The following GTF3C1 variants were observed in gnomAD, a reference collection of about 807,000 sequenced individuals.
GTF3C1 encodes the protein general transcription factor IIIC subunit 1.
A neutral mutation model predicts 226.7 loss-of-function variants in GTF3C1; 57 were observed. The observed-to-expected ratio is 0.25, with a 90% CI of 0.20 to 0.31. GTF3C1 has a LOEUF of 0.31. GTF3C1 is among the 10% of genes least tolerant of loss of function. The pLI is 1.00. For synonymous variants in GTF3C1, 1,090 were observed against 1,084.8 expected, an observed-to-expected ratio of 1.00 and a Z score of -0.09; for missense variants, 2,217 against 2,776.1, an observed-to-expected ratio of 0.80 and a Z score of 4.53.
At chr16:27,487,049 T>C (rs2088150701) in intron 23 of GTF3C1, among the ~76,000 whole-genome samples, 1 of 152,188 alleles carries the variant, frequency 6.6e-6, no homozygotes, top group African/African-American at 2.4e-5. Flanking sequence ...ACAGACACCA[T>C]ATGCCACTGC....
At chr16:27,483,573 T>C (rs1277239331) in intron 25 of GTF3C1, 2 of 431,134 alleles carry the variant, frequency 4.6e-6, no homozygotes, top group Admixed American at 5.2e-5. Context: ...GAGCCTGACT[T>C]GCCCAAAAGA....
At position 27,470,435 on chromosome 16, in the gene GTF3C1, G is replaced by A. The variant is rs200419115; in HGVS notation, c.4527-40C>T. 8.4e-6 allele frequency: 13 copies of A among 1,540,240 alleles called. No homozygotes were observed. Among genetic ancestry groups the A allele is most frequent in the East Asian group, 2.2e-5 (1 of 44,498 alleles). On this transcript the variant is annotated intron_variant, in intron 30 of 36. Transcript: ENST00000356183. This position sits in a 1 kb window ranked among gnomAD's most constrained non-coding sequence, Gnocchi z 4.9. ...AAAGGAAGGGCCTGACTGAGGGCCA[G>A]CTGTGGGAAGCCTTCATTTGGATGG...
At chr16:27,495,108 G>A in intron 15 of GTF3C1, 103 bp downstream of exon 15, 5 of 936,924 alleles carry the variant, frequency 5.3e-6, no homozygotes, top group Non-Finnish European at 8.2e-6. Context: ...TGGATCAGAG[G>A]CTGCAGCCAG....
At chr16:27,520,697 G>A (rs2088732540) in intron 6 of GTF3C1, among the ~76,000 whole-genome samples, 3 of 152,174 alleles carry the variant, frequency 2.0e-5, no homozygotes, top group African/African-American at 7.2e-5. Flanking sequence ...GGCTGAGTTA[G>A]TAGCTGACTT....
In GTF3C1 at chr16:27,475,491, G is replaced by A. The variant is rs143760430; in HGVS notation, c.4353+960C>T. The stretch of plus-strand genomic sequence containing the variant: ...CCTTAGAATTCACTTTTGATGACTT[G>A]GGGGAGAACGAGGCCCTGGGCAGCA... On this transcript the variant is annotated intron_variant, in intron 29 of 36. Coordinates refer to ENST00000356183, the MANE Select transcript of GTF3C1 (RefSeq NM_001520.4). 3.0e-4 allele frequency among the ~76,000 whole-genome samples: 45 copies of A among 152,224 alleles called. No homozygotes were observed. The East Asian group carries it at 8.7e-3, about 29-fold the overall frequency.
rs767344623 is a variant in GTF3C1, at chr16:27,469,739, C to T, written c.4815-189G>A. On this transcript the variant is annotated intron_variant, in intron 31 of 36. Coordinates refer to ENST00000356183, the MANE Select transcript of GTF3C1 (RefSeq NM_001520.4). This position sits in a 1 kb window ranked among gnomAD's most constrained non-coding sequence, Gnocchi z 4.5. ...TCCCCTTTCCCACCTTCCCGTGCAC[C>T]GCGCTCACCCCTTGTCACATAGCTG... 1.3e-5 allele frequency among the ~76,000 whole-genome samples: 2 copies of T among 151,998 alleles called. No homozygotes were observed. The highest frequency in any genetic ancestry group is 2.9e-5 in the Non-Finnish European group (2 of 68,000).
chr16:27,469,294 C>A lies in GTF3C1; in HGVS notation c.5071G>T (p.Ala1691Ser). ...CTPVPARLRP[A>S]AAPLEELTMG... is the part of the protein sequence containing the mutation. ...CAGCACCAGCAGGAGCACTCACCAG[C>A]GGGCCTGAGCCGGGCGGGCACAGGG... Residue 1691 changes from alanine (A) to serine (S), a missense_variant, in exon 32 of 37, where the codon GCT becomes TCT. Ala to Ser is a moderately conservative substitution (Grantham distance 99). This residue lies in a region of GTF3C1 where 455 missense variants were observed against 441.9 expected (regional missense o/e 1.03). Transcript: ENST00000356183. The surrounding 1 kb of genome is among the most constrained non-coding windows in gnomAD (Gnocchi z 4.5). The A allele has an allele frequency of 6.4e-7, 1 of 1,557,646 alleles. No individual in the cohort carries two copies. The highest frequency in any genetic ancestry group is 8.7e-7 in the Non-Finnish European group (1 of 1,149,304).
At chr16:27,511,634 C>A (rs758317831) in intron 7 of GTF3C1, 115 bp downstream of exon 7, 1 of 1,126,526 alleles carries the variant, frequency 8.9e-7, no homozygotes, top group Non-Finnish European at 1.3e-6. Context: ...AACCAAGGCA[C>A]TTCCCATTGT....
At chr16:27,545,573 T>C (rs1302596752) in intron 1 of GTF3C1, 50 bp from the exon 2 acceptor site, 8 of 1,078,320 alleles carry the variant, frequency 7.4e-6, no homozygotes, top group Admixed American at 1.8e-5. Context: ...TCAGATATAA[T>C]GTGTGCTTGG....
Position 27,471,774 on chromosome 16 carries a change from G to A in GTF3C1, c.4500C>T (p.Ser1500=). ...TGTAGTAGGTCTGGGATAGCTGGTA[G>A]GACATTGGCACGAAGGGGAGGGCCC... is the stretch of plus-strand genomic sequence containing the variant. ...KNRALPFVPM[S]YQLSQTYYRI... is the part of the protein sequence containing the mutation. The change falls in exon 30 of 37, where the codon TCC becomes TCT. Residue 1500 remains serine (S), a synonymous_variant. Transcript: ENST00000356183. The surrounding 1 kb of genome is among the most constrained non-coding windows in gnomAD (Gnocchi z 5.0). 6.2e-7 allele frequency: 1 copy of A among 1,614,144 alleles called. No individual in the cohort carries two copies. Among genetic ancestry groups the A allele is most frequent in the Non-Finnish European group, 8.5e-7 (1 of 1,179,954 alleles).
rs149594298 is a variant in GTF3C1, at chr16:27,506,889, G to A, written c.1510C>T (p.Leu504Phe). 6.2e-6 allele frequency: 10 copies of A among 1,613,216 alleles called. No homozygotes were observed. The highest frequency in any genetic ancestry group is 8.5e-6 in the Non-Finnish European group (10 of 1,179,938). ...TGATGAGGCTGGGTCTTGGGCCGGA[G>A]GTTTGCAGAGGCTCTTGTGTCTTTC... ...SQKDTRASAN[L>F]RPKTQPHHST... Residue 504 changes from leucine to phenylalanine, a missense_variant, in exon 9 of 37, where the codon CTC becomes TTC. Transcript: ENST00000356183.
At position 27,501,434 on chromosome 16, in the gene GTF3C1, C is replaced by G; in HGVS notation, c.1908-90G>C. 3.4e-6 allele frequency: 4 copies of G among 1,167,196 alleles called. No homozygotes were observed. The South Asian group carries it at 5.2e-5, about 15-fold the overall frequency. The allele number at this position is 1,167,196 out of a possible 1,614,324, so 72.3% of individuals were successfully genotyped here. ...GGCAACACAGACATGCCTCACGGTA[C>G]CCAATAGAAACAAGGAAGGATCAAA... On this transcript the variant is annotated intron_variant, in intron 11 of 36. Coordinates refer to ENST00000356183, the MANE Select transcript of GTF3C1 (RefSeq NM_001520.4).
intron 5 of GTF3C1, among the ~76,000 whole-genome samples, chr16:27,529,230 G>A (rs1353094779): frequency 6.6e-6 from 1 of 152,108 alleles, no homozygotes; most frequent in Non-Finnish European, 1.5e-5. Context: ...GGTCACTTAA[G>A]GCCAGGAGTT....
intron 2 of GTF3C1, among the ~76,000 whole-genome samples, chr16:27,539,799 G>A (rs1201544911): frequency 6.6e-6 from 1 of 152,230 alleles, no homozygotes; most frequent in African/African-American, 2.4e-5. Flanking sequence ...TATCTCAGGA[G>A]TGGGACGTCC....
intron 2 of GTF3C1, among the ~76,000 whole-genome samples, chr16:27,543,190 G>A (rs879705112): frequency 4.6e-5 from 7 of 152,220 alleles, no homozygotes; most frequent in South Asian, 2.1e-4. Flanking sequence ...GTTCAAGACC[G>A]GCCTAGCCAA....
At chr16:27,491,979 C>T (rs1385952597) in intron 19 of GTF3C1, among the ~76,000 whole-genome samples, 2 of 152,214 alleles carry the variant, frequency 1.3e-5, no homozygotes, top group Non-Finnish European at 2.9e-5. Flanking sequence ...TGTGTCTCCT[C>T]TTCACACTAG....
chr16:27,512,542 A>T (rs1452632417), intron 6 of GTF3C1, among the ~76,000 whole-genome samples: 1 of 152,216 alleles, frequency 6.6e-6, no homozygotes, highest in East Asian at 1.9e-4. Context: ...CATACTACAA[A>T]AAAACCAGCA....
At chr16:27,477,602 G>T (rs998523064) in intron 28 of GTF3C1, among the ~76,000 whole-genome samples, 2 of 152,170 alleles carry the variant, frequency 1.3e-5, no homozygotes, top group African/African-American at 2.4e-5. Context: ...ACTGTGCCTG[G>T]CCCCTTATTT....
chr16:27,509,240 C>G (rs2088535162), intron 7 of GTF3C1, among the ~76,000 whole-genome samples: 1 of 152,194 alleles, frequency 6.6e-6, no homozygotes, highest in Admixed American at 6.5e-5. Flanking sequence ...CCCGCTGTTG[C>G]TGTGTGTAGC....
Sources: allele counts gnomAD v4.1 joint callset (sites outside exome capture counted in the v4.1 genomes callset), GRCh38; gene constraint gnomAD v4.1.1; regional missense constraint gnomAD v4.1.1; non-coding constraint Gnocchi (gnomAD v3.1); transcripts MANE v1.5; gene names NCBI Gene and HGNC (gene_info 2026-07-23, HGNC 2026-07-21).